Variants in RABGEF1 observed in about 807,000 individuals in gnomAD.
The protein encoded by RABGEF1 is RAB guanine nucleotide exchange factor 1, also known as rab5 GDP/GTP exchange factor.
A neutral mutation model predicts 57.3 loss-of-function variants in RABGEF1; 26 were observed. That is an observed-to-expected ratio of 0.45 (90% CI 0.33 to 0.63). The LOEUF (loss-of-function observed/expected upper bound fraction) is 0.63. Ranked by LOEUF, RABGEF1 falls within the 20% of genes least tolerant of loss-of-function variation. RABGEF1 has a pLI of 0.02. For synonymous variants in RABGEF1, 185 were observed against 210.7 expected, an observed-to-expected ratio of 0.88 and a Z score of 1.06; for missense variants, 464 against 607.6, an observed-to-expected ratio of 0.76 and a Z score of 2.48.
At chr7:66,660,873 A>C in the RABGEF1 span, among the ~76,000 whole-genome samples, 1 of 152,242 alleles carries the variant, frequency 6.6e-6, no homozygotes, top group Admixed American at 6.5e-5. Context: ...CAAAGACACT[A>C]CAAGAAAACA....
chr7:66,737,443 A>G (rs2244022), upstream of RABGEF1, among the ~76,000 whole-genome samples: 69,653 of 139,138 alleles, frequency 0.5, 16,787 homozygotes, highest in East Asian at 0.65. Context: ...GAGACTGGGT[A>G]GGGGGGGGCA....
At chr7:66,794,582 C>T (rs748488422) in intron 4 of RABGEF1, among the ~76,000 whole-genome samples, 6 of 152,112 alleles carry the variant, frequency 3.9e-5, no homozygotes, top group Non-Finnish European at 5.9e-5. Flanking sequence ...AATTATCAAG[C>T]CCAATGTTGT....
intron 1 of RABGEF1, among the ~76,000 whole-genome samples, chr7:66,689,822 TA>T (rs1301273269): frequency 1.4e-5 from 2 of 146,504 alleles, no homozygotes; most frequent in Non-Finnish European, 3.0e-5. Flanking sequence ...AAAAAGAAAA[TA>T]GGGGTAAACC....
At chr7:66,788,456 AAAAC>A (rs1344779624) in intron 4 of RABGEF1, among the ~76,000 whole-genome samples, 1 of 150,142 alleles carries the variant, frequency 6.7e-6, no homozygotes, top group Non-Finnish European at 1.5e-5. Flanking sequence ...AAAAAAACAA[AAAAC>A]AAAACAAAAC....
chr7:66,740,998 G>A (rs984146688), intron 1 of RABGEF1, among the ~76,000 whole-genome samples: 4 of 152,098 alleles, frequency 2.6e-5, no homozygotes, highest in African/African-American at 9.7e-5. Flanking sequence ...GGCCGCCCTC[G>A]GCTCCCTTAA....
At chr7:66,703,140 A>AT (rs1265554464) in intron 1 of RABGEF1, among the ~76,000 whole-genome samples, 5 of 151,652 alleles carry the variant, frequency 3.3e-5, no homozygotes, top group African/African-American at 4.8e-5. Flanking sequence ...TGCCTGGCTA[A>AT]TTTTTTTTGT....
At chr7:66,755,818 C>T in intron 1 of RABGEF1, 1 of 382,442 alleles carries the variant, frequency 2.6e-6, no homozygotes, top group South Asian at 5.6e-5. Context: ...GAATGCTCCC[C>T]TGCTTGCTCT....
intron 2 of RABGEF1, among the ~76,000 whole-genome samples, chr7:66,715,154 G>A (rs555922631): frequency 6.6e-6 from 1 of 151,066 alleles, no homozygotes; most frequent in East Asian, 2.0e-4. Context: ...CTGAGACAGG[G>A]TCTCACTCTA....
At chr7:66,734,366 C>A (rs1346673742) in intron 2 of RABGEF1, among the ~76,000 whole-genome samples, 1 of 152,166 alleles carries the variant, frequency 6.6e-6, no homozygotes, top group Non-Finnish European at 1.5e-5. Context: ...GCTGTGTATT[C>A]TGGGTAAGAT....
At chr7:66,744,801 A>G (rs1799824672) in intron 1 of RABGEF1, among the ~76,000 whole-genome samples, 1 of 152,084 alleles carries the variant, frequency 6.6e-6, no homozygotes, top group Admixed American at 6.6e-5. Context: ...TGCTTTCTCA[A>G]CCCCAATTGA....
intron 1 of RABGEF1, among the ~76,000 whole-genome samples, chr7:66,699,702 A>AC (rs1792931947): frequency 6.6e-6 from 1 of 151,676 alleles, no homozygotes; most frequent in Non-Finnish European, 1.5e-5. Context: ...AAAAAAAAAA[A>AC]ACAAAACTGG....
chr7:66,682,129 G>A (rs1384744160), upstream of RABGEF1: 3 of 168,088 alleles, frequency 1.8e-5, no homozygotes, highest in African/African-American at 4.8e-5. Flanking sequence ...GGGGCAAGCA[G>A]GGGGTGTGTG....
chr7:66,669,606 T>G, the RABGEF1 span: 1 of 152,288 alleles, frequency 6.6e-6, no homozygotes, highest in South Asian at 2.1e-4. Flanking sequence ...CACTTGCTTT[T>G]CAGTAGCTTT....
the RABGEF1 span, chr7:66,654,609 G>T: frequency 6.5e-6 from 1 of 152,694 alleles, no homozygotes; most frequent in East Asian, 1.9e-4. Flanking sequence ...TGTGGATGTC[G>T]GCGAAGCCGC....
At chr7:66,675,906 C>T in the RABGEF1 span, among the ~76,000 whole-genome samples, 1 of 152,100 alleles carries the variant, frequency 6.6e-6, no homozygotes, top group African/African-American at 2.4e-5. Flanking sequence ...AACTGCAAAC[C>T]ATTGCTGAAA....
intron 1 of RABGEF1, among the ~76,000 whole-genome samples, chr7:66,691,127 C>T (rs1447928706): frequency 6.6e-6 from 1 of 152,106 alleles, no homozygotes; most frequent in African/African-American, 2.4e-5. Context: ...CCAAATGTTG[C>T]AGAGGATATG....
chr7:66,785,635 G>A (rs1468510695), intron 4 of RABGEF1, among the ~76,000 whole-genome samples: 1 of 152,188 alleles, frequency 6.6e-6, no homozygotes, highest in Non-Finnish European at 1.5e-5. Flanking sequence ...AACATTTTGG[G>A]AGGCCGAGGC....
At chr7:66,708,401 C>T (rs1468247379) in intron 1 of RABGEF1, among the ~76,000 whole-genome samples, 1 of 152,070 alleles carries the variant, frequency 6.6e-6, no homozygotes, top group Non-Finnish European at 1.5e-5. Flanking sequence ...GATTCTCCTG[C>T]CCCAGCCTCC....
chr7:66,695,583 T>C (rs1792203130), intron 1 of RABGEF1, among the ~76,000 whole-genome samples: 1 of 151,562 alleles, frequency 6.6e-6, no homozygotes, highest in Non-Finnish European at 1.5e-5. Context: ...TGGAGAGAGT[T>C]TTGGAGAGAG....
Sources: allele counts gnomAD v4.1 joint callset (sites outside exome capture counted in the v4.1 genomes callset), GRCh38; gene constraint gnomAD v4.1.1; transcripts MANE v1.5; gene names NCBI Gene and HGNC (gene_info 2026-07-23, HGNC 2026-07-21).